TBXAS1: variants seen among roughly 807,000 people sequenced by gnomAD.
The protein encoded by TBXAS1 is thromboxane A synthase 1.
In TBXAS1, 48 loss-of-function variants were observed where a neutral mutation model predicts 60.7. The observed-to-expected ratio is 0.79, with a 90% CI of 0.63 to 1.01. The LOEUF is 1.01. Ranked by LOEUF, TBXAS1 falls within the 50% of genes least tolerant of loss-of-function variation. TBXAS1 has a pLI of 0.00. For missense variants in TBXAS1, 685 were observed against 686.3 expected (o/e 1.00, Z 0.02); for synonymous variants, 287 against 269.7 (o/e 1.06, Z -0.63).
At chr7:139,920,098 G>A (rs1222156045) in intron 4 of TBXAS1, among the ~76,000 whole-genome samples, 2 of 152,246 alleles carry the variant, frequency 1.3e-5, no homozygotes, top group Non-Finnish European at 2.9e-5. Flanking sequence ...CAGCCATTCA[G>A]CTCCTGCTGT....
intron 1 of TBXAS1, among the ~76,000 whole-genome samples, chr7:139,848,476 C>A (rs1195195914): frequency 3.3e-5 from 5 of 152,168 alleles, no homozygotes; most frequent in African/African-American, 1.2e-4. Flanking sequence ...TGCTGTGTAA[C>A]AAACCACCCC....
rs149988492 is a variant in TBXAS1 at position 140,017,723 on chromosome 7, G to A, written c.1417G>A (p.Gly473Arg). The change falls in exon 12 of 13, where the codon GGG becomes AGG. Residue 473 changes from glycine to arginine, a missense_variant. Gly to Arg is a moderately radical substitution (Grantham distance 125). Transcript: ENST00000448866. ...CCGGCCCTTCACGTACCTGCCCTTC[G>A]GGGCCGGCCCACGGAGCTGCCTCGG... ...QHRPFTYLPF[G>R]AGPRSCLGVR... 4.4e-5 allele frequency: 71 copies of A among 1,613,946 alleles called. 2 individuals carry two copies. The highest frequency in any genetic ancestry group is 5.2e-5 in the Non-Finnish European group (61 of 1,179,938).
intron 3 of TBXAS1, among the ~76,000 whole-genome samples, chr7:139,909,676 CAATT>C (rs1196512654): frequency 6.6e-6 from 1 of 152,124 alleles, no homozygotes; most frequent in Non-Finnish European, 1.5e-5. Flanking sequence ...GAATTTAAAA[CAATT>C]AATATCATTT....
chr7:139,951,830 GGAAA>G (rs376369556), intron 5 of TBXAS1, among the ~76,000 whole-genome samples: 8,706 of 22,720 alleles, frequency 0.38, 2,804 homozygotes, highest in African/African-American at 0.59. Flanking sequence ...GAAAGAAAGA[GGAAA>G]GAAAGAAAGA....
intron 9 of TBXAS1, among the ~76,000 whole-genome samples, chr7:140,006,414 T>C (rs911289075): frequency 4.6e-5 from 7 of 152,184 alleles, no homozygotes; most frequent in African/African-American, 1.7e-4. Context: ...CCCTGAAATC[T>C]AATCAGCATT....
At chr7:139,995,045 C>A (rs1813196414) in intron 9 of TBXAS1, among the ~76,000 whole-genome samples, 1 of 152,114 alleles carries the variant, frequency 6.6e-6, no homozygotes, top group African/African-American at 2.4e-5. Flanking sequence ...TCTCCCAGGC[C>A]CTCAGATGAG....
chr7:139,820,390 C>T (rs1257406104), intron 4 of TBXAS1, among the ~76,000 whole-genome samples: 2 of 152,166 alleles, frequency 1.3e-5, no homozygotes, highest in Non-Finnish European at 2.9e-5. Context: ...TTAGCAACAT[C>T]AAGAGCAACT....
intron 3 of TBXAS1, among the ~76,000 whole-genome samples, chr7:139,899,093 A>G (rs768649492): frequency 7.9e-5 from 12 of 151,994 alleles, no homozygotes; most frequent in Non-Finnish European, 1.5e-4. Flanking sequence ...TGAAAAGGAC[A>G]GTGCCCCATA....
chr7:139,867,826 TAATAAATAAATAAATA>T (rs55731121), intron 1 of TBXAS1, among the ~76,000 whole-genome samples: 20 of 146,854 alleles, frequency 1.4e-4, no homozygotes, highest in African/African-American at 4.3e-4. Context: ...CGAAAATAAA[TAATAAATAAATAAATA>T]AATAAATAAA....
chr7:139,787,806 T>A (rs1322371756), intron 4 of TBXAS1, among the ~76,000 whole-genome samples: 1 of 152,258 alleles, frequency 6.6e-6, no homozygotes, highest in Non-Finnish European at 1.5e-5. Flanking sequence ...GGATTTCTTC[T>A]GCAGTCTGGT....
At chr7:139,956,582 G>A (rs779139323) in intron 7 of TBXAS1, among the ~76,000 whole-genome samples, 6 of 152,240 alleles carry the variant, frequency 3.9e-5, no homozygotes, top group African/African-American at 9.6e-5. Context: ...CTGCTGGGCT[G>A]GTAAATTCCA....
intron 1 of TBXAS1, among the ~76,000 whole-genome samples, chr7:139,779,638 C>T (rs1322363401): frequency 6.6e-6 from 1 of 152,198 alleles, no homozygotes; most frequent in Non-Finnish European, 1.5e-5. Flanking sequence ...TCCCTGCAAT[C>T]TTTAACTTTA....
At chr7:139,940,403 T>C (rs1450819366) in intron 5 of TBXAS1, among the ~76,000 whole-genome samples, 1 of 152,210 alleles carries the variant, frequency 6.6e-6, no homozygotes, top group Non-Finnish European at 1.5e-5. Context: ...GAGAATCACC[T>C]AGGACCCTTG....
chr7:139,991,998 C>T (rs1025827601), intron 9 of TBXAS1, among the ~76,000 whole-genome samples: 1 of 152,182 alleles, frequency 6.6e-6, no homozygotes. Flanking sequence ...GGGAATCCCT[C>T]ATATGGGAAG....
chr7:139,991,084 A>C (rs949034328), intron 9 of TBXAS1, among the ~76,000 whole-genome samples: 1 of 152,238 alleles, frequency 6.6e-6, no homozygotes, highest in Non-Finnish European at 1.5e-5. Flanking sequence ...GGCTGGAACG[A>C]CGCAGAAGCA....
At chr7:139,897,722 T>C (rs1230347844) in intron 3 of TBXAS1, among the ~76,000 whole-genome samples, 4 of 152,234 alleles carry the variant, frequency 2.6e-5, no homozygotes, top group East Asian at 3.9e-4. Flanking sequence ...GGTCCATTGA[T>C]CTCTGCAGGG....
chr7:139,796,465 T>C (rs1347938458), intron 4 of TBXAS1, among the ~76,000 whole-genome samples: 1 of 152,208 alleles, frequency 6.6e-6, no homozygotes, highest in East Asian at 1.9e-4. Flanking sequence ...AAGACAGTGG[T>C]TTCCCAGGAT....
At chr7:139,797,078 G>A (rs552430104) in intron 4 of TBXAS1, 8 of 152,272 alleles carry the variant, frequency 5.3e-5, no homozygotes, top group South Asian at 4.1e-4. Context: ...TAATGTACAC[G>A]TTTCAACATG....
At chr7:139,928,139 A>G (rs998064972) in intron 4 of TBXAS1, among the ~76,000 whole-genome samples, 1 of 152,264 alleles carries the variant, frequency 6.6e-6, no homozygotes, top group East Asian at 1.9e-4. Flanking sequence ...TGTAAATGTC[A>G]TTTTTAGGTG....
Sources: allele counts gnomAD v4.1 joint callset (sites outside exome capture counted in the v4.1 genomes callset), GRCh38; gene constraint gnomAD v4.1.1; transcripts MANE v1.5; gene names NCBI Gene and HGNC (gene_info 2026-07-23, HGNC 2026-07-21).